Variants in TECRL observed in about 807,000 individuals in gnomAD.
The protein encoded by TECRL is trans-2,3-enoyl-CoA reductase like.
TECRL carries 63 observed loss-of-function variants against 52.8 expected under a neutral mutation model. The ratio of observed to expected loss-of-function variants is 1.19; its 90% CI spans 0.97 to 1.47. TECRL has a LOEUF of 1.47. Ranked by LOEUF, TECRL falls within the 40% of genes most tolerant of loss-of-function variation. The pLI, the probability that TECRL is intolerant of heterozygous loss-of-function variation, is 0.00. For missense variants in TECRL, 482 were observed against 429.6 expected (o/e 1.12, Z -1.08); for synonymous variants, 164 against 141.9 (o/e 1.16, Z -1.10).
intron 3 of TECRL, among the ~76,000 whole-genome samples, chr4:64,326,624 A>T (rs1318830959): frequency 1.3e-5 from 2 of 152,120 alleles, no homozygotes; most frequent in African/African-American, 2.4e-5. Context: ...CACATTGAAC[A>T]AAGGGAATTT....
chr4:64,278,580 A>G lies in TECRL; in HGVS notation c.*1492T>C, dbSNP rs1160979227. The G allele has an allele frequency of 6.4e-6, 1 of 156,086 alleles. No homozygotes were observed. The highest frequency in any genetic ancestry group is 1.4e-5 in the Non-Finnish European group (1 of 71,622). The allele number at this position is 156,086 out of a possible 1,614,324, so 9.7% of individuals were successfully genotyped here. A position where few individuals can be genotyped will look rare whatever the true frequency, so the allele number is the denominator to read the frequency against. ...TCAGATCAGAGAAATTAGAGTATCC[A>G]TGGTTTCAAATATTTATCATTTCTT... On this transcript the variant is annotated 3_prime_UTR_variant, in exon 12 of 12. Transcript: ENST00000381210.
intron 2 of TECRL, among the ~76,000 whole-genome samples, chr4:64,344,362 T>C (rs1004553110): frequency 1.3e-5 from 2 of 152,114 alleles, no homozygotes; most frequent in Non-Finnish European, 2.9e-5. Flanking sequence ...TATTTGATGT[T>C]ATATTTTTTT....
At chr4:64,348,101 T>C (rs1389317951) in intron 2 of TECRL, among the ~76,000 whole-genome samples, 1 of 152,174 alleles carries the variant, frequency 6.6e-6, no homozygotes, top group African/African-American at 2.4e-5. Context: ...TAGTCTGTTT[T>C]CATACTGCTA....
intron 1 of TECRL, among the ~76,000 whole-genome samples, chr4:64,384,262 G>A (rs1723019482): frequency 6.6e-6 from 1 of 152,012 alleles, no homozygotes; most frequent in Non-Finnish European, 1.5e-5. Flanking sequence ...TTAGGCAGGT[G>A]GGTACTCAGG....
chr4:64,305,098 G>A, intron 7 of TECRL, 68 bp downstream of exon 7: 1 of 1,089,552 alleles, frequency 9.2e-7, no homozygotes, highest in Non-Finnish European at 1.3e-6. Context: ...CTTTATGTAT[G>A]TCATTTAGAA....
intron 7 of TECRL, among the ~76,000 whole-genome samples, chr4:64,303,282 A>G (rs1050554075): frequency 2.0e-5 from 3 of 151,534 alleles, no homozygotes; most frequent in African/African-American, 7.2e-5. Flanking sequence ...CAAATTAGAG[A>G]GAGTCTCTGG....
chr4:64,294,887 A>C (rs1451709685), intron 8 of TECRL, among the ~76,000 whole-genome samples: 1 of 152,102 alleles, frequency 6.6e-6, no homozygotes, highest in African/African-American at 2.4e-5. Context: ...TTTATTAACT[A>C]TTCTGATCTT....
At chr4:64,291,060 T>C (rs1209550410) in intron 8 of TECRL, among the ~76,000 whole-genome samples, 1 of 152,152 alleles carries the variant, frequency 6.6e-6, no homozygotes, top group Non-Finnish European at 1.5e-5. Context: ...GTGTGGGCTT[T>C]TGTGGCATGA....
At position 64,393,534 on chromosome 4, in the gene TECRL, A is replaced by T. The variant is rs80108459; in HGVS notation, c.234+15584T>A. 8.3e-3 allele frequency among the ~76,000 whole-genome samples: 1,264 copies of T among 152,190 alleles called. 14 individuals carry two copies. The highest frequency in any genetic ancestry group is 0.029 in the African/African-American group (1,205 of 41,556). On this transcript the variant is annotated intron_variant, in intron 1 of 11. Coordinates refer to ENST00000381210, the MANE Select transcript of TECRL (RefSeq NM_001010874.5). Reference sequence around the variant, plus strand: ...CCTTGTAAGAGGAGTTGTTTTGATTATACTGCCTTCCTAAGGACATTAAAA... The same window carrying T: ...CCTTGTAAGAGGAGTTGTTTTGATTTTACTGCCTTCCTAAGGACATTAAAA...
At chr4:64,314,136 C>T (rs912571836) in intron 5 of TECRL, among the ~76,000 whole-genome samples, 11 of 150,650 alleles carry the variant, frequency 7.3e-5, no homozygotes, top group East Asian at 2.0e-4. Flanking sequence ...GGTGACAGAG[C>T]GAAACTCTGT....
At chr4:64,357,568 A>C (rs1219071650) in intron 2 of TECRL, among the ~76,000 whole-genome samples, 1 of 150,450 alleles carries the variant, frequency 6.6e-6, no homozygotes, top group Non-Finnish European at 1.5e-5. Flanking sequence ...TGTCACACAA[A>C]TTCATTAACA....
intron 4 of TECRL, among the ~76,000 whole-genome samples, chr4:64,320,574 G>A (rs1337231436): frequency 6.6e-6 from 1 of 151,916 alleles, no homozygotes; most frequent in African/African-American, 2.4e-5. Flanking sequence ...TAATTTTCTA[G>A]TACAATTGTC....
chr4:64,371,325 TA>T (rs1450532962), intron 2 of TECRL, among the ~76,000 whole-genome samples: 1 of 150,984 alleles, frequency 6.6e-6, no homozygotes, highest in African/African-American at 2.4e-5. Flanking sequence ...AACTAAATTG[TA>T]AAACAATCAC....
rs181581606 is a variant in TECRL, at chr4:64,351,384, T to C, written c.287-22828A>G. ...CTTCAGCCTTGAGCTCAAGCAATCC[T>C]CCTGTCTCAGCCTCTGAAGTAGCTG... On this transcript the variant is annotated intron_variant, in intron 2 of 11. Coordinates refer to ENST00000381210, the MANE Select transcript of TECRL (RefSeq NM_001010874.5). Among the ~76,000 whole-genome samples, 22 of 152,064 alleles carry C rather than the reference T, an allele frequency of 1.4e-4. No individual in the cohort carries two copies. In the East Asian group the frequency reaches 3.9e-3, roughly 27 times the overall value.
intron 11 of TECRL, among the ~76,000 whole-genome samples, chr4:64,280,483 T>G (rs575062964): frequency 6.6e-6 from 1 of 152,236 alleles, no homozygotes; most frequent in East Asian, 1.9e-4. Context: ...ACTTAAAAAT[T>G]TTCAATAATA....
At chr4:64,344,871 G>T (rs1050550611) in intron 2 of TECRL, among the ~76,000 whole-genome samples, 9 of 152,176 alleles carry the variant, frequency 5.9e-5, no homozygotes, top group Non-Finnish European at 1.3e-4. Flanking sequence ...CCAGGCCAAT[G>T]TGAGTCAGGT....
intron 1 of TECRL, among the ~76,000 whole-genome samples, chr4:64,398,973 C>T (rs1173475754): frequency 6.6e-6 from 1 of 152,004 alleles, no homozygotes; most frequent in Non-Finnish European, 1.5e-5. Flanking sequence ...GTGCCCATGC[C>T]CTAGGGATCC....
chr4:64,292,647 A>G (rs1026806169), intron 8 of TECRL, among the ~76,000 whole-genome samples: 16 of 152,034 alleles, frequency 1.1e-4, no homozygotes, highest in South Asian at 6.2e-4. Flanking sequence ...TAACCTATCA[A>G]ATAAAAATGT....
At chr4:64,314,825 G>T (rs1577856996) in intron 4 of TECRL, 62 bp from the exon 5 acceptor site, 5 of 1,193,870 alleles carry the variant, frequency 4.2e-6, no homozygotes, top group Middle Eastern at 2.0e-4. Context: ...GTTCATTTGT[G>T]TCTATGAGTA....
Sources: allele counts gnomAD v4.1 joint callset (sites outside exome capture counted in the v4.1 genomes callset), GRCh38; gene constraint gnomAD v4.1.1; transcripts MANE v1.5; gene names NCBI Gene and HGNC (gene_info 2026-07-23, HGNC 2026-07-21).